Variants in DSCAM observed in about 807,000 individuals in gnomAD.
DSCAM encodes DS cell adhesion molecule.
A neutral mutation model predicts 217.7 loss-of-function variants in DSCAM; 47 were observed. The ratio of observed to expected loss-of-function variants is 0.22; its 90% confidence interval spans 0.17 to 0.28. DSCAM has a LOEUF of 0.28. Among genes scored for constraint, DSCAM ranks in the 10% least tolerant of loss-of-function variants. The probability of loss-of-function intolerance (pLI) is 1.00; values close to 1 mark genes in which losing one functional copy is unlikely to be tolerated. For synonymous variants in DSCAM, 1,056 were observed against 1,015.3 expected (o/e 1.04, Z -0.76); for missense variants, 2,080 against 2,618.3 (o/e 0.79, Z 4.49).
chr21:40,359,916 C>A (rs1027140418), intron 4 of DSCAM, among the ~76,000 whole-genome samples: 2 of 152,086 alleles, frequency 1.3e-5, no homozygotes, highest in Non-Finnish European at 1.5e-5. Flanking sequence ...ATTGAATAAA[C>A]CGGATGGAGT....
At chr21:40,186,462 A>C (rs2090895926) in intron 14 of DSCAM, among the ~76,000 whole-genome samples, 1 of 152,014 alleles carries the variant, frequency 6.6e-6, no homozygotes, top group African/African-American at 2.4e-5. Flanking sequence ...GTGGTATTCT[A>C]CCCTCGCCCA....
In DSCAM at chr21:40,278,868, T is replaced by G. The variant is rs375454104; in HGVS notation, c.2183-2598A>C. 3.0e-4 allele frequency among the ~76,000 whole-genome samples: 46 copies of G among 152,288 alleles called. No homozygotes were observed. The South Asian group carries it at 6.0e-3, about 20-fold the overall frequency. ...GAGGAAATAAGATAGTCTAAAAAAC[T>G]TATTTACAAAAACAAAAACAGGATG... On this transcript the variant is annotated intron_variant, in intron 10 of 32. Transcript: ENST00000400454.
chr21:40,084,653 T>A (rs2089508187), intron 23 of DSCAM, among the ~76,000 whole-genome samples: 1 of 152,052 alleles, frequency 6.6e-6, no homozygotes, highest in South Asian at 2.1e-4. Flanking sequence ...GGATGGGTTC[T>A]GAGGGCAGAA....
chr21:40,219,684 T>A (rs2091273902), intron 11 of DSCAM, among the ~76,000 whole-genome samples: 1 of 152,200 alleles, frequency 6.6e-6, no homozygotes, highest in Non-Finnish European at 1.5e-5. Context: ...CCAAATGATA[T>A]ATCAGAATGT....
At chr21:40,067,594 T>A (rs1048850487) in intron 27 of DSCAM, among the ~76,000 whole-genome samples, 2 of 152,068 alleles carry the variant, frequency 1.3e-5, no homozygotes, top group Admixed American at 1.3e-4. Context: ...AAAAGCAACA[T>A]CTCCACCTCC....
chr21:40,083,328 T>C (rs2089489169), intron 24 of DSCAM, among the ~76,000 whole-genome samples: 1 of 152,106 alleles, frequency 6.6e-6, no homozygotes, highest in Non-Finnish European at 1.5e-5. Flanking sequence ...ACTTGGGAGG[T>C]TGAGGCAGAA....
intron 3 of DSCAM, among the ~76,000 whole-genome samples, chr21:40,436,310 C>T (rs1022787733): frequency 3.3e-5 from 5 of 152,056 alleles, no homozygotes; most frequent in South Asian, 2.1e-4. Flanking sequence ...AAAAATTTCC[C>T]CCTGAGATGG....
chr21:40,072,502 A>G (rs1450172464), intron 27 of DSCAM, among the ~76,000 whole-genome samples: 1 of 151,158 alleles, frequency 6.6e-6, no homozygotes, highest in Non-Finnish European at 1.5e-5. Flanking sequence ...GCCCGCCACC[A>G]CCCCCGGCTA....
intron 3 of DSCAM, among the ~76,000 whole-genome samples, chr21:40,645,636 T>G (rs2089937505): frequency 6.6e-6 from 1 of 152,188 alleles, no homozygotes; most frequent in African/African-American, 2.4e-5. Flanking sequence ...CCCCTCTTCA[T>G]GTTTTATGTT....
chr21:40,652,953 T>A (rs931383083), intron 3 of DSCAM, among the ~76,000 whole-genome samples: 1 of 152,136 alleles, frequency 6.6e-6, no homozygotes, highest in Non-Finnish European at 1.5e-5. Flanking sequence ...TAACCCCTAA[T>A]GAAAACCCTG....
chr21:40,617,016 CAA>C (rs1223963613), intron 3 of DSCAM, among the ~76,000 whole-genome samples: 26 of 68,940 alleles, frequency 3.8e-4, no homozygotes, highest in African/African-American at 1.4e-3. Flanking sequence ...GACTCCGTCT[CAA>C]AAAAAAAAAA....
intron 22 of DSCAM, among the ~76,000 whole-genome samples, chr21:40,086,788 C>T (rs1383522098): frequency 6.6e-6 from 1 of 152,134 alleles, no homozygotes; most frequent in Non-Finnish European, 1.5e-5. Context: ...ATGGTTAGTT[C>T]ACTATCTTTA....
At chr21:40,684,213 A>G (rs1274008066) in intron 3 of DSCAM, among the ~76,000 whole-genome samples, 2 of 152,016 alleles carry the variant, frequency 1.3e-5, no homozygotes, top group African/African-American at 4.8e-5. Flanking sequence ...TGACAGAGTG[A>G]GACTCCATCA....
intron 3 of DSCAM, among the ~76,000 whole-genome samples, chr21:40,483,686 C>G (rs1476291878): frequency 2.6e-5 from 4 of 151,926 alleles, no homozygotes; most frequent in African/African-American, 9.7e-5. Flanking sequence ...CTATGAATAC[C>G]CATTAATAAA....
chr21:40,081,221 TCTC>T (rs2146562075), intron 24 of DSCAM, among the ~76,000 whole-genome samples: 1 of 152,264 alleles, frequency 6.6e-6, no homozygotes, highest in East Asian at 1.9e-4. Context: ...CCATGTTCCT[TCTC>T]CACCCTGGCT....
intron 1 of DSCAM, among the ~76,000 whole-genome samples, chr21:40,824,617 G>A (rs542647186): frequency 1.3e-5 from 2 of 152,018 alleles, no homozygotes; most frequent in South Asian, 4.2e-4. Flanking sequence ...GTCTCACCAC[G>A]TTTTCCAGGC....
chr21:40,765,942 G>A (rs144064385), intron 1 of DSCAM, among the ~76,000 whole-genome samples: 1 of 152,312 alleles, frequency 6.6e-6, no homozygotes, highest in East Asian at 1.9e-4. Context: ...GCTGCTGATG[G>A]GAATGGCATT....
chr21:40,137,178 G>GAA (rs34652896), intron 18 of DSCAM, among the ~76,000 whole-genome samples: 8 of 64,500 alleles, frequency 1.2e-4, no homozygotes, highest in South Asian at 6.6e-4. Flanking sequence ...CTGTCTCAAG[G>GAA]AAAAAAAAAA....
intron 3 of DSCAM, among the ~76,000 whole-genome samples, chr21:40,598,293 C>T (rs899352296): frequency 6.6e-6 from 1 of 152,132 alleles, no homozygotes; most frequent in Non-Finnish European, 1.5e-5. Flanking sequence ...TCATTCTTCT[C>T]ATCACTGAGT....
Sources: gnomAD v4.1 joint callset for allele counts (sites outside exome capture counted in the v4.1 genomes callset) on GRCh38, gnomAD v4.1.1 for gene constraint, MANE v1.5 for transcripts, NCBI Gene and HGNC (gene_info 2026-07-23, HGNC 2026-07-21) for gene names.